The following PVT1 variants were observed in gnomAD, a reference collection of about 807,000 sequenced individuals.
PVT1 encodes the protein Pvt1 oncogene.
At chr8:127,941,068 G>A (rs774845213) in intron 3 of PVT1, among the ~76,000 whole-genome samples, 7 of 152,154 alleles carry the variant, frequency 4.6e-5, no homozygotes, top group Non-Finnish European at 5.9e-5. Context: ...CTGAGATCCC[G>A]TTTTCTTGCT....
intron 3 of PVT1, among the ~76,000 whole-genome samples, chr8:127,917,017 T>G (rs576506721): frequency 6.6e-6 from 1 of 152,204 alleles, no homozygotes; most frequent in Non-Finnish European, 1.5e-5. Context: ...CAGTGAGTGC[T>G]AGAGTTTAAG....
chr8:127,947,553 C>T, intron 3 of PVT1: 1 of 366,834 alleles, frequency 2.7e-6, no homozygotes, highest in South Asian at 2.1e-5. Context: ...TTTCTCCCCT[C>T]CCAGGTGGGC....
intron 2 of PVT1, among the ~76,000 whole-genome samples, chr8:127,873,308 T>C (rs1368811776): frequency 1.3e-5 from 2 of 152,152 alleles, no homozygotes; most frequent in Non-Finnish European, 2.9e-5. Context: ...AGCCCTGGAT[T>C]ACTTGGCATC....
rs561996565 is a variant in PVT1 at position 127,799,248 on chromosome 8, A to G, written n.372+3177A>G. On this transcript the variant is annotated intron_variant and non_coding_transcript_variant, in intron 2 of 10. Coordinates refer to ENST00000651587, the Ensembl canonical transcript of PVT1. The stretch of plus-strand genomic sequence containing the variant: ...CAACACAGCCCTGGTACTTTGTTGA[A>G]TCAGGTGGCTGTCAAGAGCTGCTGC... 5.3e-5 allele frequency among the ~76,000 whole-genome samples: 8 copies of G among 151,944 alleles called. No homozygotes were observed. In the East Asian group the frequency reaches 1.6e-3, roughly 29 times the overall value.
At chr8:128,073,288 A>G (rs1190306366) in intron 5 of PVT1, among the ~76,000 whole-genome samples, 2 of 152,196 alleles carry the variant, frequency 1.3e-5, no homozygotes, top group East Asian at 3.8e-4. Context: ...CTAAACCTGC[A>G]TAACTAGTAA....
intron 4 of PVT1, among the ~76,000 whole-genome samples, chr8:128,052,815 C>A (rs1813715080): frequency 6.6e-6 from 1 of 152,174 alleles, no homozygotes. Context: ...CCTCATTAGA[C>A]CCAACTGAGA....
chr8:127,875,414 G>T (rs1336710812), intron 2 of PVT1, among the ~76,000 whole-genome samples: 3 of 150,866 alleles, frequency 2.0e-5, no homozygotes, highest in Non-Finnish European at 3.0e-5. Flanking sequence ...TTCACATGTT[G>T]TTTTCTGATT....
intron 4 of PVT1, among the ~76,000 whole-genome samples, chr8:128,061,556 G>A (rs1454632810): frequency 5.9e-5 from 9 of 152,190 alleles, no homozygotes; most frequent in Non-Finnish European, 1.3e-4. Context: ...GTAACTCTAT[G>A]TATAACCTTT....
intron 3 of PVT1, among the ~76,000 whole-genome samples, chr8:127,964,729 T>C (rs1816685021): frequency 6.6e-6 from 1 of 152,206 alleles, no homozygotes; most frequent in African/African-American, 2.4e-5. Flanking sequence ...TGTCTCCACG[T>C]ACCTTCTCTA....
chr8:127,878,242 C>T (rs1563628359), intron 2 of PVT1, among the ~76,000 whole-genome samples: 2 of 152,010 alleles, frequency 1.3e-5, no homozygotes, highest in Admixed American at 6.5e-5. Context: ...GTGTTCATGA[C>T]TCTTCTTCGT....
At chr8:128,069,585 A>AAT (rs1813957260) in intron 4 of PVT1, among the ~76,000 whole-genome samples, 1 of 152,108 alleles carries the variant, frequency 6.6e-6, no homozygotes, top group Non-Finnish European at 1.5e-5. Flanking sequence ...CATTTTATAG[A>AAT]GGAGAGAGCT....
chr8:128,080,270 G>T (rs956050729), intron 5 of PVT1, among the ~76,000 whole-genome samples: 1 of 152,166 alleles, frequency 6.6e-6, no homozygotes, highest in African/African-American at 2.4e-5. Context: ...TCTGTTGCTA[G>T]ATCTTATGGT....
In PVT1 at chr8:128,077,359, C is replaced by G. The variant is rs542996853; in HGVS notation, n.1114+6998C>G. On this transcript the variant is annotated intron_variant and non_coding_transcript_variant, in intron 5 of 10. Transcript: ENST00000651587. ...CTCAGTGCTTTTCCGCTGCTGAGCT[C>G]GCTGGGGTAGGTGACTAACCCTCTC... Among the ~76,000 whole-genome samples, 13 of 152,278 alleles carry G rather than the reference C, an allele frequency of 8.5e-5. No homozygotes were observed. In the East Asian group the frequency reaches 2.5e-3, roughly 29 times the overall value.
At chr8:127,924,019 T>C (rs1390540706) in intron 3 of PVT1, among the ~76,000 whole-genome samples, 1 of 152,208 alleles carries the variant, frequency 6.6e-6, no homozygotes, top group Admixed American at 6.5e-5. Context: ...GTCTGCTCCA[T>C]GCCCCCTCTG....
chr8:127,816,411 G>T (rs1305430095), intron 2 of PVT1, among the ~76,000 whole-genome samples: 3 of 150,874 alleles, frequency 2.0e-5, no homozygotes, highest in African/African-American at 7.3e-5. Flanking sequence ...GCCTCTCAAA[G>T]TGTTGAGATT....
chr8:127,955,158 G>C (rs1209633038), intron 3 of PVT1, among the ~76,000 whole-genome samples: 4 of 152,152 alleles, frequency 2.6e-5, no homozygotes, highest in African/African-American at 9.7e-5. Context: ...CTGGGCTAGA[G>C]TCCCTGTAAG....
intron 3 of PVT1, among the ~76,000 whole-genome samples, chr8:127,945,191 T>TTTTC (rs1001491950): frequency 6.6e-6 from 1 of 152,094 alleles, no homozygotes; most frequent in African/African-American, 2.4e-5. Context: ...ATTTTTTTTC[T>TTTTC]TTTCTTTCTT....
chr8:127,974,096 G>A (rs1368437044), intron 3 of PVT1, among the ~76,000 whole-genome samples: 1 of 152,084 alleles, frequency 6.6e-6, no homozygotes, highest in Non-Finnish European at 1.5e-5. Flanking sequence ...GGGTTTTTCT[G>A]TTCCTCTTTG....
At chr8:128,093,928 G>T (rs13275589) in intron 5 of PVT1, among the ~76,000 whole-genome samples, 1 of 152,316 alleles carries the variant, frequency 6.6e-6, no homozygotes, top group East Asian at 1.9e-4. Context: ...GAGCCACCGT[G>T]CCGTGCCAGC....
Sources: allele counts gnomAD v4.1 joint callset (sites outside exome capture counted in the v4.1 genomes callset), GRCh38; gene constraint gnomAD v4.1.1; transcripts MANE v1.5; gene names NCBI Gene and HGNC (gene_info 2026-07-23, HGNC 2026-07-21).